NEURL1B: variants seen among roughly 807,000 people sequenced by gnomAD.
NEURL1B encodes the protein neuralized E3 ubiquitin protein ligase 1B.
NEURL1B carries 13 observed loss-of-function variants against 37.4 expected under a neutral mutation model. That is an observed-to-expected ratio of 0.35 (90% CI 0.23 to 0.55). NEURL1B has a LOEUF of 0.55. Among genes scored for constraint, NEURL1B ranks in the 20% least tolerant of loss-of-function variants. NEURL1B has a pLI of 0.89. For synonymous variants in NEURL1B, 432 were observed against 426.6 expected, an observed-to-expected ratio of 1.01 and a Z score of -0.16; for missense variants, 790 against 879.2, an observed-to-expected ratio of 0.90 and a Z score of 1.28.
intron 1 of NEURL1B, among the ~76,000 whole-genome samples, chr5:172,659,979 C>A (rs1318230390): frequency 3.3e-5 from 5 of 152,260 alleles, no homozygotes; most frequent in African/African-American, 1.2e-4. Flanking sequence ...TATGTCCATC[C>A]TTGCAGCTGG....
At chr5:172,674,690 C>T (rs1480033480) in intron 2 of NEURL1B, among the ~76,000 whole-genome samples, 1 of 152,026 alleles carries the variant, frequency 6.6e-6, no homozygotes, top group African/African-American at 2.4e-5. Context: ...GTACATTGCC[C>T]CTTCCTTCCT....
At chr5:172,656,055 C>T (rs1327022415) in intron 1 of NEURL1B, among the ~76,000 whole-genome samples, 2 of 152,200 alleles carry the variant, frequency 1.3e-5, no homozygotes, top group East Asian at 3.8e-4. Flanking sequence ...GTTCTTATCC[C>T]TGACGCATGT....
Position 172,661,976 on chromosome 5 carries a change from T to C in NEURL1B, c.32-7809T>C, listed in dbSNP as rs542371676. 6.6e-6 allele frequency among the ~76,000 whole-genome samples: 1 copy of C among 152,140 alleles called. No individual in the cohort carries two copies. The highest frequency in any genetic ancestry group is 1.9e-4 in the East Asian group (1 of 5,156). On this transcript the variant is annotated intron_variant, in intron 1 of 4. Coordinates refer to ENST00000369800, the MANE Select transcript of NEURL1B (RefSeq NM_001142651.3). This position sits in a 1 kb window ranked among gnomAD's most constrained non-coding sequence, Gnocchi z 4.0. ...GCAACCCCAGGGTTTTCAAGAGGCC[T>C]CTGCTGGCCAAGGTTATGAGCCCTA... is the stretch of plus-strand genomic sequence containing the variant.
intron 1 of NEURL1B, among the ~76,000 whole-genome samples, chr5:172,668,736 G>A (rs1238696374): frequency 6.6e-6 from 1 of 152,174 alleles, no homozygotes; most frequent in East Asian, 1.9e-4. Context: ...AGAGATTCAT[G>A]TAGTAATCTC....
chr5:172,641,546 G>A lies in NEURL1B; in HGVS notation c.31+109G>A, dbSNP rs1217882370. On this transcript the variant is annotated intron_variant, in intron 1 of 4. Transcript: ENST00000369800. This position sits in a 1 kb window ranked among gnomAD's most constrained non-coding sequence, Gnocchi z 6.4. Reference sequence around the variant, plus strand: ...CCACGGCCCTTGGAGCCCTCGGCTCGCAGCGGGCTGGAGTCTCCGGTACCT... The same window carrying A: ...CCACGGCCCTTGGAGCCCTCGGCTCACAGCGGGCTGGAGTCTCCGGTACCT... 2.0e-6 allele frequency: 2 copies of A among 998,136 alleles called. No individual in the cohort carries two copies. The highest frequency in any genetic ancestry group is 2.6e-6 in the Non-Finnish European group (2 of 772,440). The allele number at this position is 998,136 out of a possible 1,614,324, so 61.8% of individuals were successfully genotyped here. A position where few individuals can be genotyped will look rare whatever the true frequency, so the allele number is the denominator to read the frequency against.
intron 2 of NEURL1B, among the ~76,000 whole-genome samples, chr5:172,674,685 T>G (rs148445544): frequency 6.6e-6 from 1 of 152,098 alleles, no homozygotes; most frequent in South Asian, 2.1e-4. Flanking sequence ...TAGGTGTACA[T>G]TGCCCCTTCC....
intron 1 of NEURL1B, among the ~76,000 whole-genome samples, chr5:172,658,151 C>T (rs1757829535): frequency 6.6e-6 from 1 of 152,166 alleles, no homozygotes; most frequent in Admixed American, 6.5e-5. Flanking sequence ...TTACCGGTCT[C>T]CACGTCTTGG....
intron 1 of NEURL1B, among the ~76,000 whole-genome samples, chr5:172,663,245 A>G (rs1266224943): frequency 1.3e-5 from 2 of 151,338 alleles, no homozygotes; most frequent in Non-Finnish European, 2.9e-5. Flanking sequence ...GGGATTGACC[A>G]GGTGCAGTGG....
Position 172,661,488 on chromosome 5 carries a change from C to T in NEURL1B, c.32-8297C>T, listed in dbSNP as rs1171086691. ...GGCATGAGCCTGGTCCTCTCAGACC[C>T]TCAGTTTCCTCATCTGGGAAATCAA... On this transcript the variant is annotated intron_variant, in intron 1 of 4. Transcript: ENST00000369800. The surrounding 1 kb of genome is among the most constrained non-coding windows in gnomAD (Gnocchi z 4.0). Among the ~76,000 whole-genome samples, 1 of 152,220 alleles carries T rather than the reference C, an allele frequency of 6.6e-6. No homozygotes were observed. Among genetic ancestry groups the T allele is most frequent in the Non-Finnish European group, 1.5e-5 (1 of 68,038 alleles).
At chr5:172,646,172 A>G (rs1581417651) in intron 1 of NEURL1B, among the ~76,000 whole-genome samples, 2 of 152,310 alleles carry the variant, frequency 1.3e-5, no homozygotes, top group East Asian at 3.9e-4. Flanking sequence ...TGTTAGACTC[A>G]GATCTTAGAG....
At chr5:172,681,432 CA>C (rs1193321601) in intron 2 of NEURL1B, among the ~76,000 whole-genome samples, 1 of 152,094 alleles carries the variant, frequency 6.6e-6, no homozygotes, top group Admixed American at 6.5e-5. Context: ...TTTAAAGAAA[CA>C]AACTGAAACC....
intron 1 of NEURL1B, among the ~76,000 whole-genome samples, chr5:172,642,462 CA>C (rs1757482100): frequency 6.6e-6 from 1 of 152,170 alleles, no homozygotes; most frequent in African/African-American, 2.4e-5. Context: ...GTCTAAAGCA[CA>C]AAGGCTCGGC....
chr5:172,651,259 G>A (rs66476255), intron 1 of NEURL1B, among the ~76,000 whole-genome samples: 42,211 of 152,006 alleles, frequency 0.28, 6,245 homozygotes, highest in Middle Eastern at 0.37. Context: ...TCTGGATAAG[G>A]TGGAGGATAG....
chr5:172,689,035 A>G lies in NEURL1B; in HGVS notation c.*2110A>G, dbSNP rs1758573824. The G allele has an allele frequency of 6.6e-6, 1 of 152,162 alleles. No homozygotes were observed. Among genetic ancestry groups the G allele is most frequent in the South Asian group, 2.1e-4 (1 of 4,826 alleles). 9.4% of individuals were successfully genotyped at this position (152,162 alleles called of 1,614,324 possible). A position where few individuals can be genotyped will look rare whatever the true frequency, so the allele number is the denominator to read the frequency against. On this transcript the variant is annotated 3_prime_UTR_variant, in exon 5 of 5. Transcript: ENST00000369800. ...CCAGCCGGGGTCACGTCCAGCCTCCACTGGGAAACCAGTGACTGAGGCCTG... is the reference window on the plus strand; with the variant it reads ...CCAGCCGGGGTCACGTCCAGCCTCCGCTGGGAAACCAGTGACTGAGGCCTG...
At chr5:172,656,782 TATTA>T in intron 1 of NEURL1B, 1 of 692,574 alleles carries the variant, frequency 1.4e-6, no homozygotes, top group Non-Finnish European at 2.5e-6. Context: ...CACACTGACA[TATTA>T]ATTCTTTGAA....
In NEURL1B at chr5:172,657,319, T is replaced by C. The variant is rs1757815359; in HGVS notation, c.32-12466T>C. 6.6e-6 allele frequency among the ~76,000 whole-genome samples: 1 copy of C among 152,112 alleles called. No homozygotes were observed. The highest frequency in any genetic ancestry group is 2.1e-4 in the South Asian group (1 of 4,828). On this transcript the variant is annotated intron_variant, in intron 1 of 4. Coordinates refer to ENST00000369800, the MANE Select transcript of NEURL1B (RefSeq NM_001142651.3). The surrounding 1 kb of genome is among the most constrained non-coding windows in gnomAD (Gnocchi z 4.0). ...ATGGGATGGAGATTCTAATCAGGGC[T>C]CCTGTGGGTGGAGGATTACCCAGGT...
chr5:172,669,749 A>G (rs1432966548), intron 1 of NEURL1B, 36 bp from the exon 2 acceptor site: 2 of 1,232,214 alleles, frequency 1.6e-6, no homozygotes, highest in Middle Eastern at 3.2e-4. Flanking sequence ...AGGAGTTCGG[A>G]GGAGGCCTAA....
intron 1 of NEURL1B, among the ~76,000 whole-genome samples, chr5:172,642,885 G>T (rs1405582679): frequency 6.6e-6 from 1 of 152,248 alleles, no homozygotes; most frequent in Middle Eastern, 3.2e-3. Context: ...GAGATATCTG[G>T]GGATGTTGGC....
chr5:172,670,805 T>A (rs1758116034), intron 2 of NEURL1B, among the ~76,000 whole-genome samples: 1 of 152,206 alleles, frequency 6.6e-6, no homozygotes, highest in Non-Finnish European at 1.5e-5. Context: ...GTTCATTCAC[T>A]CATTCAGCGT....
Sources: gnomAD v4.1 joint callset for allele counts (sites outside exome capture counted in the v4.1 genomes callset) on GRCh38, gnomAD v4.1.1 for gene constraint, Gnocchi (gnomAD v3.1) non-coding constraint, MANE v1.5 for transcripts, NCBI Gene and HGNC (gene_info 2026-07-23, HGNC 2026-07-21) for gene names.